Variants in HIKESHI observed in about 807,000 individuals in gnomAD.
HIKESHI encodes protein Hikeshi.
In HIKESHI, 13 loss-of-function variants were observed where a neutral mutation model predicts 25.7. The ratio of observed to expected loss-of-function variants is 0.51; its 90% CI spans 0.33 to 0.80. The LOEUF is 0.80. HIKESHI is among the 30% of genes least tolerant of loss of function. The probability of loss-of-function intolerance (pLI) is 0.02; values close to 1 mark genes in which losing one functional copy is unlikely to be tolerated. For missense variants in HIKESHI, 174 were observed against 229.5 expected (o/e 0.76, Z 1.56); for synonymous variants, 76 against 78.7 (o/e 0.97, Z 0.18).
chr11:86,342,518 T>C (rs1947760401), intron 3 of HIKESHI, among the ~76,000 whole-genome samples: 2 of 118,400 alleles, frequency 1.7e-5, no homozygotes, highest in South Asian at 5.5e-4. Context: ...TGTGTGTGTG[T>C]GTGTAGACTG....
intron 2 of HIKESHI, among the ~76,000 whole-genome samples, chr11:86,308,763 C>T (rs1363575111): frequency 2.6e-5 from 4 of 151,984 alleles, no homozygotes; most frequent in Non-Finnish European, 4.4e-5. Flanking sequence ...TGTTCCCCTT[C>T]CTGTGTCCAA....
In HIKESHI at chr11:86,340,219, A is replaced by G. The variant is rs368662346; in HGVS notation, c.420+2689A>G. Among the ~76,000 whole-genome samples, 37 of 152,324 alleles carry G rather than the reference A, an allele frequency of 2.4e-4. No homozygotes were observed. In the East Asian group the frequency reaches 6.7e-3, roughly 28 times the overall value. On this transcript the variant is annotated intron_variant, in intron 3 of 4. Transcript: ENST00000278483. ...AGTGCCGCAGTAAACATATGTGTGCATGTGTCTTTATAGCAGCATGATTTG... is the reference window on the plus strand; with the variant it reads ...AGTGCCGCAGTAAACATATGTGTGCGTGTGTCTTTATAGCAGCATGATTTG...
chr11:86,340,903 A>C (rs1593876382), intron 3 of HIKESHI, among the ~76,000 whole-genome samples: 1 of 152,200 alleles, frequency 6.6e-6, no homozygotes, highest in South Asian at 2.1e-4. Flanking sequence ...TTGGCCTCCC[A>C]AAGTGTTGGG....
chr11:86,342,644 C>T (rs1383636787), intron 3 of HIKESHI, among the ~76,000 whole-genome samples: 1 of 151,298 alleles, frequency 6.6e-6, no homozygotes, highest in Non-Finnish European at 1.5e-5. Context: ...TGTTTGTGTG[C>T]AGTATGGTAA....
chr11:86,323,401 T>C (rs977243929), intron 2 of HIKESHI, among the ~76,000 whole-genome samples: 1 of 152,170 alleles, frequency 6.6e-6, no homozygotes, highest in Non-Finnish European at 1.5e-5. Flanking sequence ...CTTATATCTA[T>C]ATAATAATCA....
At chr11:86,309,312 A>C (rs1946770902) in intron 2 of HIKESHI, among the ~76,000 whole-genome samples, 1 of 152,196 alleles carries the variant, frequency 6.6e-6, no homozygotes. Flanking sequence ...CATTTCTCTG[A>C]TGACCAGTGA....
intron 4 of HIKESHI, 68 bp downstream of exon 4, chr11:86,344,789 AT>A: frequency 9.3e-7 from 1 of 1,071,232 alleles, no homozygotes; most frequent in Non-Finnish European, 1.4e-6. Context: ...GTCTATGAAT[AT>A]ATTCCTTTTT....
intron 2 of HIKESHI, among the ~76,000 whole-genome samples, chr11:86,310,107 T>C (rs898287880): frequency 2.6e-4 from 38 of 147,834 alleles, no homozygotes; most frequent in Non-Finnish European, 5.1e-4. Context: ...GCGAAGAAAG[T>C]CATTGGTAGC....
intron 2 of HIKESHI, among the ~76,000 whole-genome samples, chr11:86,331,534 TTAAG>T (rs1947425125): frequency 6.6e-6 from 1 of 152,102 alleles, no homozygotes; most frequent in African/African-American, 2.4e-5. Flanking sequence ...TTCAGAATGG[TTAAG>T]TGACTGTTAC....
chr11:86,334,622 A>G (rs1183150885), intron 2 of HIKESHI, among the ~76,000 whole-genome samples: 1 of 152,148 alleles, frequency 6.6e-6, no homozygotes, highest in Non-Finnish European at 1.5e-5. Context: ...GGATTTTAGC[A>G]TAATTCTAGA....
At chr11:86,318,323 ATC>A (rs1947050320) in intron 2 of HIKESHI, among the ~76,000 whole-genome samples, 1 of 144,896 alleles carries the variant, frequency 6.9e-6, no homozygotes, top group Non-Finnish European at 1.5e-5. Context: ...AAAAAAAAAA[ATC>A]CTGAATAGAT....
At chr11:86,334,626 T>C (rs1414487877) in intron 2 of HIKESHI, among the ~76,000 whole-genome samples, 1 of 152,214 alleles carries the variant, frequency 6.6e-6, no homozygotes, top group Non-Finnish European at 1.5e-5. Context: ...TTTAGCATAA[T>C]TCTAGATTTA....
At chr11:86,308,099 AC>A (rs1946711875) in intron 2 of HIKESHI, among the ~76,000 whole-genome samples, 1 of 126,798 alleles carries the variant, frequency 7.9e-6, no homozygotes, top group South Asian at 2.2e-4. Flanking sequence ...ATATAAATAT[AC>A]TATATACTAT....
intron 1 of HIKESHI, among the ~76,000 whole-genome samples, chr11:86,305,231 C>A (rs535217224): frequency 2.0e-5 from 3 of 151,912 alleles, no homozygotes; most frequent in African/African-American, 7.2e-5. Flanking sequence ...AACTCCTGAG[C>A]TCAAGCCAGC....
chr11:86,306,407 C>T lies in HIKESHI; in HGVS notation c.193C>T (p.Pro65Ser). 1 of 1,613,972 alleles carries T rather than the reference C, an allele frequency of 6.2e-7. No individual in the cohort carries two copies. Among genetic ancestry groups the T allele is most frequent in the Non-Finnish European group, 8.5e-7 (1 of 1,179,868 alleles). ...YFSYPDSNGM[P>S]VWQLLGFVTN... The stretch of plus-strand genomic sequence containing the variant: ...TTCTTATCCTGATTCAAATGGAATG[C>T]CAGTATGGCAACTCCTAGGATTTGT... Residue 65 changes from proline to serine, a missense_variant, in exon 2 of 5, where the codon CCA becomes TCA. Coordinates refer to ENST00000278483, the MANE Select transcript of HIKESHI (RefSeq NM_016401.4).
chr11:86,302,342 C>A lies in HIKESHI; in HGVS notation c.-107C>A. ...TCACTATGTAGTGGAGGGGCAGACA[C>A]CCTCCCGCAAATTCTGGAAGGTTCT... On this transcript the variant is annotated 5_prime_UTR_variant, in exon 1 of 5. Coordinates refer to ENST00000278483, the MANE Select transcript of HIKESHI (RefSeq NM_016401.4). 7.1e-7 allele frequency: 1 copy of A among 1,411,366 alleles called. No individual in the cohort carries two copies. The highest frequency in any genetic ancestry group is 9.7e-7 in the Non-Finnish European group (1 of 1,027,502). The allele number at this position is 1,411,366 out of a possible 1,614,324, so 87.4% of individuals were successfully genotyped here. A position where few individuals can be genotyped will look rare whatever the true frequency, so the allele number is the denominator to read the frequency against.
chr11:86,317,804 G>A (rs993486428), intron 2 of HIKESHI, among the ~76,000 whole-genome samples: 6 of 151,688 alleles, frequency 4.0e-5, no homozygotes, highest in Admixed American at 1.3e-4. Context: ...AAACAAAAAC[G>A]AAAAACGATG....
At chr11:86,340,738 A>G (rs1332135156) in intron 3 of HIKESHI, among the ~76,000 whole-genome samples, 1 of 152,120 alleles carries the variant, frequency 6.6e-6, no homozygotes, top group Non-Finnish European at 1.5e-5. Context: ...TCTGCCTCTC[A>G]GGTTCAAGCA....
intron 1 of HIKESHI, among the ~76,000 whole-genome samples, chr11:86,304,190 C>T (rs1946561546): frequency 6.6e-6 from 1 of 152,152 alleles, no homozygotes; most frequent in African/African-American, 2.4e-5. Flanking sequence ...CCAGTTGATA[C>T]TACTTTATAA....
Sources: gnomAD v4.1 joint callset for allele counts (sites outside exome capture counted in the v4.1 genomes callset) on GRCh38, gnomAD v4.1.1 for gene constraint, MANE v1.5 for transcripts, NCBI Gene and HGNC (gene_info 2026-07-23, HGNC 2026-07-21) for gene names.